PLEKHA7: variants seen among roughly 807,000 people sequenced by gnomAD.
PLEKHA7 encodes pleckstrin homology domain containing A7.
In PLEKHA7, 104 loss-of-function variants were observed where a neutral mutation model predicts 170.0. The ratio of observed to expected loss-of-function variants is 0.61; its 90% CI spans 0.52 to 0.72. The LOEUF (loss-of-function observed/expected upper bound fraction) is 0.72, where lower values mean the gene tolerates loss of function less well. Among genes scored for constraint, PLEKHA7 ranks in the 30% least tolerant of loss-of-function variants. The pLI, the probability that PLEKHA7 is intolerant of heterozygous loss-of-function variation, is 0.00. For synonymous variants in PLEKHA7, 648 were observed against 660.8 expected (o/e 0.98, Z 0.30); for missense variants, 1,615 against 1,671.7 (o/e 0.97, Z 0.59).
chr11:16,790,667 C>T (rs551096082), intron 21 of PLEKHA7, 131 bp downstream of exon 21: 667 of 883,052 alleles, frequency 7.6e-4, no homozygotes, highest in Non-Finnish European at 6.8e-4. Context: ...CTTGGCATCC[C>T]AGACCCCCCT....
At chr11:16,875,446 C>CTT (rs59524843) in intron 3 of PLEKHA7, among the ~76,000 whole-genome samples, 33 of 149,582 alleles carry the variant, frequency 2.2e-4, no homozygotes, top group East Asian at 3.9e-4. Context: ...AATTTCTTTC[C>CTT]TTTTTTTTTC....
intron 9 of PLEKHA7, 64 bp from the exon 10 acceptor site, chr11:16,826,654 A>G: frequency 7.1e-7 from 1 of 1,407,712 alleles, no homozygotes; most frequent in Non-Finnish European, 9.8e-7. Flanking sequence ...AATGCACTGT[A>G]CACTCAATCA....
intron 13 of PLEKHA7, among the ~76,000 whole-genome samples, chr11:16,804,889 C>CGG (rs57180263): frequency 3.6e-4 from 55 of 151,438 alleles, no homozygotes; most frequent in East Asian, 2.7e-3. Flanking sequence ...TCCTGCAATG[C>CGG]GGGGGGGGCG....
intron 3 of PLEKHA7, among the ~76,000 whole-genome samples, chr11:17,005,627 C>CCCAA (rs1018088869): frequency 3.9e-5 from 6 of 152,196 alleles, no homozygotes; most frequent in African/African-American, 1.4e-4. Flanking sequence ...AACACCTCTT[C>CCCAA]CCAACCCAGC....
At chr11:16,922,397 G>A (rs551481330) in intron 3 of PLEKHA7, among the ~76,000 whole-genome samples, 34 of 152,292 alleles carry the variant, frequency 2.2e-4, no homozygotes, top group Non-Finnish European at 2.6e-4. Context: ...GAGACTCAGA[G>A]AAGCTGAAGG....
intron 10 of PLEKHA7, 43 bp downstream of exon 10, chr11:16,826,077 T>C (rs761329969): frequency 5.7e-6 from 9 of 1,571,776 alleles, no homozygotes; most frequent in South Asian, 1.2e-5. Context: ...GCCACTACAT[T>C]ATCGTGCTCG....
At chr11:16,885,982 G>A (rs565423655) in intron 3 of PLEKHA7, among the ~76,000 whole-genome samples, 3 of 147,184 alleles carry the variant, frequency 2.0e-5, no homozygotes, top group East Asian at 2.0e-4. Flanking sequence ...CCTGGCAACA[G>A]AGCAAGACTC....
At chr11:16,991,745 C>T (rs1419790624) in intron 3 of PLEKHA7, among the ~76,000 whole-genome samples, 1 of 152,100 alleles carries the variant, frequency 6.6e-6, no homozygotes, top group East Asian at 1.9e-4. Flanking sequence ...GAGATAGGAG[C>T]CCACAGATGG....
chr11:16,895,665 T>A (rs1009087026), intron 3 of PLEKHA7, among the ~76,000 whole-genome samples: 9 of 152,188 alleles, frequency 5.9e-5, no homozygotes, highest in African/African-American at 2.2e-4. Flanking sequence ...CAAGGAACAA[T>A]CTGCCATTGC....
intron 9 of PLEKHA7, among the ~76,000 whole-genome samples, chr11:16,827,529 G>T (rs1850752376): frequency 6.6e-6 from 1 of 152,122 alleles, no homozygotes; most frequent in African/African-American, 2.4e-5. Context: ...AATGGGGAGG[G>T]GTGATAGGTC....
At chr11:16,873,013 T>C (rs1854989576) in intron 3 of PLEKHA7, among the ~76,000 whole-genome samples, 1 of 152,180 alleles carries the variant, frequency 6.6e-6, no homozygotes, top group African/African-American at 2.4e-5. Context: ...TTCAATGTAA[T>C]TTGAATTTTC....
intron 3 of PLEKHA7, among the ~76,000 whole-genome samples, chr11:16,889,124 C>A (rs1231666529): frequency 1.3e-5 from 2 of 151,204 alleles, no homozygotes; most frequent in Non-Finnish European, 3.0e-5. Flanking sequence ...ACTGATTAAC[C>A]AACATTACAA....
intron 3 of PLEKHA7, among the ~76,000 whole-genome samples, chr11:16,994,150 T>A (rs1159004418): frequency 2.6e-5 from 4 of 152,130 alleles, no homozygotes; most frequent in Admixed American, 1.3e-4. Flanking sequence ...TGGAAGTCAG[T>A]CTTTCTCTGT....
intron 3 of PLEKHA7, among the ~76,000 whole-genome samples, chr11:16,878,680 C>T (rs996363759): frequency 1.3e-5 from 2 of 152,190 alleles, no homozygotes; most frequent in African/African-American, 4.8e-5. Flanking sequence ...ACTGCAACTT[C>T]CGCCTCCCAG....
intron 3 of PLEKHA7, among the ~76,000 whole-genome samples, chr11:16,979,849 C>G (rs1863313769): frequency 6.6e-6 from 1 of 152,162 alleles, no homozygotes; most frequent in Non-Finnish European, 1.5e-5. Context: ...AACTCACAGG[C>G]AAGTCCATCA....
chr11:16,867,258 C>CT (rs1484169281), intron 4 of PLEKHA7, among the ~76,000 whole-genome samples: 1 of 152,194 alleles, frequency 6.6e-6, no homozygotes, highest in Admixed American at 6.5e-5. Flanking sequence ...TCTAGAGTCT[C>CT]TGATTCAGTA....
At position 17,012,530 on chromosome 11, in the gene PLEKHA7, T is replaced by G. The variant is rs142593137; in HGVS notation, c.221+1459A>C. The stretch of plus-strand genomic sequence containing the variant: ...CTCCCAGTACAACCAAGCCACCCAG[T>G]CACTCCATGTCACATCACCTTATTT... On this transcript the variant is annotated intron_variant, in intron 3 of 26. Transcript: ENST00000531066. 4.9e-4 allele frequency among the ~76,000 whole-genome samples: 74 copies of G among 152,332 alleles called. No homozygotes were observed. The East Asian group carries it at 0.013, about 27-fold the overall frequency.
chr11:16,907,098 T>A (rs7938150), intron 3 of PLEKHA7, among the ~76,000 whole-genome samples: 1 of 128,490 alleles, frequency 7.8e-6, no homozygotes, highest in East Asian at 2.3e-4. Context: ...GCAGCCACCC[T>A]GTCTGGGAGG....
Position 16,987,427 on chromosome 11 carries a change from C to A in PLEKHA7, c.221+26562G>T, listed in dbSNP as rs372250461. On this transcript the variant is annotated intron_variant, in intron 3 of 26. Transcript: ENST00000531066. The stretch of plus-strand genomic sequence containing the variant: ...CCTTTTCCTCCTTAAGACAGAACAG[C>A]CTGGCAGGAGGCAGAACCAGGAGAA... Among the ~76,000 whole-genome samples the A allele has an allele frequency of 6.6e-5, 10 of 152,296 alleles. No homozygotes were observed. In the East Asian group the frequency reaches 9.7e-4, roughly 15 times the overall value.
Sources: allele counts gnomAD v4.1 joint callset (sites outside exome capture counted in the v4.1 genomes callset), GRCh38; gene constraint gnomAD v4.1.1; transcripts MANE v1.5; gene names NCBI Gene and HGNC (gene_info 2026-07-23, HGNC 2026-07-21).